The following AGBL4 variants were observed in gnomAD, a reference collection of about 807,000 sequenced individuals.
The protein encoded by AGBL4 is cytosolic carboxypeptidase 6.
In AGBL4, 58 loss-of-function variants were observed where a neutral mutation model predicts 66.4. That is an observed-to-expected ratio of 0.87 (90% CI 0.71 to 1.09). AGBL4 has a LOEUF of 1.09. AGBL4 is among the 50% of genes least tolerant of loss of function. The pLI is 0.00. For missense variants in AGBL4, 579 were observed against 631.0 expected (o/e 0.92, Z 0.88); for synonymous variants, 234 against 222.9 (o/e 1.05, Z -0.44).
chr1:49,758,351 G>A (rs188429892), intron 2 of AGBL4, among the ~76,000 whole-genome samples: 21 of 152,274 alleles, frequency 1.4e-4, no homozygotes, highest in African/African-American at 4.8e-4. Context: ...CCCACACAGG[G>A]TCCTCACTGG....
At chr1:48,746,478 G>A (rs759016511) in intron 6 of AGBL4, among the ~76,000 whole-genome samples, 2 of 152,158 alleles carry the variant, frequency 1.3e-5, no homozygotes, top group Non-Finnish European at 2.9e-5. Context: ...GGGACTGATA[G>A]ACTTCTGTCA....
At chr1:49,699,818 T>C (rs941090027) in intron 2 of AGBL4, among the ~76,000 whole-genome samples, 1 of 151,904 alleles carries the variant, frequency 6.6e-6, no homozygotes, top group Non-Finnish European at 1.5e-5. Context: ...CTAGAGATCA[T>C]GTACAGCATG....
chr1:49,831,936 C>G (rs1027536351), intron 2 of AGBL4, among the ~76,000 whole-genome samples: 2 of 151,464 alleles, frequency 1.3e-5, no homozygotes, highest in African/African-American at 4.9e-5. Context: ...GTTGAACCAG[C>G]CTTGCATCTC....
chr1:49,448,918 T>C (rs1199676353), intron 3 of AGBL4, among the ~76,000 whole-genome samples: 1 of 150,992 alleles, frequency 6.6e-6, no homozygotes, highest in Non-Finnish European at 1.5e-5. Flanking sequence ...GGGATAAGAA[T>C]ACTATTTAAG....
intron 3 of AGBL4, among the ~76,000 whole-genome samples, chr1:49,637,418 A>G (rs1221715942): frequency 1.3e-5 from 2 of 151,974 alleles, no homozygotes; most frequent in African/African-American, 4.8e-5. Flanking sequence ...CTCCTGCCTC[A>G]GCCTCCTGAG....
chr1:48,773,542 G>A (rs1644936704), intron 6 of AGBL4, among the ~76,000 whole-genome samples: 1 of 152,146 alleles, frequency 6.6e-6, no homozygotes, highest in Non-Finnish European at 1.5e-5. Context: ...AGAAAGAGCA[G>A]AATGGGCTTG....
At chr1:49,307,302 A>G (rs1235131402) in intron 3 of AGBL4, among the ~76,000 whole-genome samples, 2 of 152,154 alleles carry the variant, frequency 1.3e-5, no homozygotes, top group African/African-American at 4.8e-5. Context: ...CAAACTCCAA[A>G]TTCTGGCTCA....
chr1:48,744,703 T>C (rs1650456513), intron 6 of AGBL4, among the ~76,000 whole-genome samples: 1 of 152,230 alleles, frequency 6.6e-6, no homozygotes, highest in South Asian at 2.1e-4. Context: ...ATCTTCCACA[T>C]GACCCTGTCT....
At chr1:49,650,651 CTT>C (rs1456515590) in intron 3 of AGBL4, among the ~76,000 whole-genome samples, 3 of 152,356 alleles carry the variant, frequency 2.0e-5, no homozygotes, top group Admixed American at 6.5e-5. Flanking sequence ...TCTTCTCTGA[CTT>C]TGGCAACTAC....
chr1:48,616,595 T>G (rs373262582), intron 9 of AGBL4, among the ~76,000 whole-genome samples: 1 of 152,152 alleles, frequency 6.6e-6, no homozygotes, highest in Admixed American at 6.5e-5. Context: ...TATTCCTCTT[T>G]TGAAAAAATG....
At chr1:49,684,098 T>C (rs1386472021) in intron 3 of AGBL4, among the ~76,000 whole-genome samples, 1 of 152,202 alleles carries the variant, frequency 6.6e-6, no homozygotes, top group African/African-American at 2.4e-5. Context: ...TGACAGTTTA[T>C]CTGGTTAGAC....
chr1:49,758,077 T>G (rs1191906045), intron 2 of AGBL4, among the ~76,000 whole-genome samples: 1 of 152,158 alleles, frequency 6.6e-6, no homozygotes, highest in African/African-American at 2.4e-5. Flanking sequence ...CTGCTTCAGT[T>G]CCAGCTGTGG....
chr1:48,804,846 A>T (rs1029384498), intron 6 of AGBL4, among the ~76,000 whole-genome samples: 1 of 152,180 alleles, frequency 6.6e-6, no homozygotes, highest in Non-Finnish European at 1.5e-5. Flanking sequence ...AATCATAGGA[A>T]GCTCAGAAAT....
chr1:49,773,771 T>C (rs1221399361), intron 2 of AGBL4, among the ~76,000 whole-genome samples: 1 of 151,898 alleles, frequency 6.6e-6, no homozygotes. Flanking sequence ...TCCAACGGAG[T>C]GGTGCTACTT....
chr1:49,688,329 AGTCTGTTTT>A (rs1194180732), intron 3 of AGBL4, among the ~76,000 whole-genome samples: 1 of 152,140 alleles, frequency 6.6e-6, no homozygotes, highest in Non-Finnish European at 1.5e-5. Context: ...GAGCATGTAA[AGTCTGTTTT>A]TCTGTGCAGG....
Position 49,550,722 on chromosome 1 carries a change from C to T in AGBL4, c.282+146591G>A, listed in dbSNP as rs559829503. 2.6e-5 allele frequency among the ~76,000 whole-genome samples: 4 copies of T among 152,280 alleles called. No homozygotes were observed. In the South Asian group the frequency reaches 8.3e-4, roughly 32 times the overall value. ...TAGGTTACCTAGTGCTTCTGTCTCA[C>T]AGCTCTTAAGATTCTTTCCTTCATC... On this transcript the variant is annotated intron_variant, in intron 3 of 13. Transcript: ENST00000371839.
chr1:49,028,316 G>A (rs1473489966), intron 5 of AGBL4, among the ~76,000 whole-genome samples: 1 of 152,218 alleles, frequency 6.6e-6, no homozygotes, highest in Non-Finnish European at 1.5e-5. Context: ...GGATCAGACT[G>A]TGAAACAATT....
At chr1:49,922,545 C>A (rs1178591698) in intron 1 of AGBL4, among the ~76,000 whole-genome samples, 1 of 152,162 alleles carries the variant, frequency 6.6e-6, no homozygotes, top group Admixed American at 6.5e-5. Flanking sequence ...TATCCCATAT[C>A]TGGAAAACAC....
intron 3 of AGBL4, among the ~76,000 whole-genome samples, chr1:49,260,470 G>C (rs1019921819): frequency 2.8e-4 from 42 of 152,142 alleles, no homozygotes; most frequent in Non-Finnish European, 5.0e-4. Context: ...AAATGATAAA[G>C]GGGATATCAC....
Sources: allele counts gnomAD v4.1 joint callset (sites outside exome capture counted in the v4.1 genomes callset), GRCh38; gene constraint gnomAD v4.1.1; transcripts MANE v1.5; gene names NCBI Gene and HGNC (gene_info 2026-07-23, HGNC 2026-07-21).